The following THRAP3 variants were observed in gnomAD, a reference collection of about 807,000 sequenced individuals.
THRAP3 encodes thyroid hormone receptor associated protein 3.
A neutral mutation model predicts 101.0 loss-of-function variants in THRAP3; 16 were observed. The observed-to-expected ratio is 0.16, with a 90% confidence interval of 0.11 to 0.24. THRAP3 has a LOEUF of 0.24. THRAP3 is among the 10% of genes least tolerant of loss of function. The pLI is 1.00. For synonymous variants in THRAP3, 407 were observed against 422.6 expected, an observed-to-expected ratio of 0.96 and a Z score of 0.45; for missense variants, 989 against 1,202.7, an observed-to-expected ratio of 0.82 and a Z score of 2.63.
chr1:36,238,439 TC>T (rs1475597421), intron 1 of THRAP3, among the ~76,000 whole-genome samples: 1 of 152,204 alleles, frequency 6.6e-6, no homozygotes, highest in Non-Finnish European at 1.5e-5. Flanking sequence ...CAGATTTAAT[TC>T]CTATCCAGAT....
At chr1:36,209,001 C>T in the THRAP3 span, among the ~76,000 whole-genome samples, 1 of 104,752 alleles carries the variant, frequency 9.5e-6, no homozygotes, top group Admixed American at 1.5e-4. Context: ...TTTTCAGAGA[C>T]AGTCTTGCTC....
At position 36,303,844 on chromosome 1, in the gene THRAP3, C is replaced by G. The variant is rs201119618; in HGVS notation, c.2695C>G (p.Arg899Gly). 1 of 1,614,102 alleles carries G rather than the reference C, an allele frequency of 6.2e-7. No homozygotes were observed. The highest frequency in any genetic ancestry group is 2.2e-5 in the East Asian group (1 of 44,880). The stretch of plus-strand genomic sequence containing the variant: ...CAGTGACAAGTGGGTGAGCCGGGGC[C>G]GGGGCCGAGGAGCCTTTCCTCGGGG... ...EGSDKWVSRG[R>G]GRGAFPRGRG... Residue 899 changes from arginine (R) to glycine (G), a missense_variant, in exon 12 of 12, where the codon CGG (arginine) becomes GGG (glycine). Coordinates refer to ENST00000354618, the MANE Select transcript of THRAP3 (RefSeq NM_005119.4).
At chr1:36,299,290 T>C (rs1645999285) in intron 9 of THRAP3, among the ~76,000 whole-genome samples, 1 of 151,566 alleles carries the variant, frequency 6.6e-6, no homozygotes, top group African/African-American at 2.4e-5. Flanking sequence ...AATACAAAAA[T>C]TAGCCGGGCA....
At position 36,303,883 on chromosome 1, in the gene THRAP3, A is replaced by G. The variant is rs755358275; in HGVS notation, c.2734A>G (p.Met912Val). Residue 912 changes from methionine (M) to valine (V), a missense_variant, in exon 12 of 12, where the codon ATG becomes GTG. Met to Val is a conservative substitution (Grantham distance 21, BLOSUM62 1). Transcript: ENST00000354618. Reference sequence around the variant, plus strand: ...CTTTCCTCGGGGTCGGGGCCGGTTCATGTTCCGGAAATCAAGTACCAGCCC... The same window carrying G: ...CTTTCCTCGGGGTCGGGGCCGGTTCGTGTTCCGGAAATCAAGTACCAGCCC... Reference protein sequence around the residue: ...GAFPRGRGRFMFRKSSTSPKW... With the variant: ...GAFPRGRGRFVFRKSSTSPKW... The G allele has an allele frequency of 4.6e-5, 74 of 1,613,708 alleles. No homozygotes were observed. The highest frequency in any genetic ancestry group is 5.9e-5 in the Non-Finnish European group (70 of 1,179,916).
intron 1 of THRAP3, among the ~76,000 whole-genome samples, chr1:36,257,303 C>T (rs1361141981): frequency 1.3e-5 from 2 of 152,204 alleles, no homozygotes; most frequent in African/African-American, 4.8e-5. Context: ...CCCTCATCTG[C>T]TCACTAGAAT....
intron 1 of THRAP3, among the ~76,000 whole-genome samples, chr1:36,252,581 G>T (rs1048345612): frequency 6.6e-6 from 1 of 152,076 alleles, no homozygotes; most frequent in Non-Finnish European, 1.5e-5. Context: ...TGACAAGAGA[G>T]AAAACAACTT....
chr1:36,243,372 ACTTGAGATTAGGGAGTGGTGATGACT>A (rs1258846111), intron 1 of THRAP3, among the ~76,000 whole-genome samples: 2 of 151,656 alleles, frequency 1.3e-5, no homozygotes, highest in Non-Finnish European at 2.9e-5. Flanking sequence ...GTCCCTGGGT[ACTTGAGATTAGGGAGTGGTGATGACT>A]CTTAAGGAGC....
intron 4 of THRAP3, chr1:36,287,923 AG>A (rs1645816495): frequency 9.1e-6 from 9 of 985,364 alleles, no homozygotes; most frequent in Non-Finnish European, 1.1e-5. Context: ...TTGGGATGGC[AG>A]AGAGGTTACA....
chr1:36,289,065 T>C lies in THRAP3; in HGVS notation c.1046T>C (p.Leu349Pro), dbSNP rs374966612. The C allele has an allele frequency of 6.3e-6, 10 of 1,578,524 alleles. No homozygotes were observed. In the African/African-American group the frequency reaches 8.2e-5, roughly 13 times the overall value. Residue 349 changes from leucine to proline, a missense_variant, in exon 5 of 12, where the codon CTA becomes CCA. Coordinates refer to ENST00000354618, the MANE Select transcript of THRAP3 (RefSeq NM_005119.4). ...TCTTGTGTTTTTATAAATAGGTATC[T>C]AGAAGAGCAGAAGACAGAGAATGGA... ...SGGAAYTKRYLEEQKTENGKD... is the reference protein window; with the variant it reads ...SGGAAYTKRYPEEQKTENGKD...
chr1:36,236,869 T>C (rs777231103), intron 1 of THRAP3, among the ~76,000 whole-genome samples: 9 of 152,166 alleles, frequency 5.9e-5, no homozygotes, highest in Non-Finnish European at 1.3e-4. Context: ...TATATATAAC[T>C]TTGAGTTTCT....
At chr1:36,241,392 TATATATATATATATATATA>T (rs1403344599) in intron 1 of THRAP3, among the ~76,000 whole-genome samples, 2 of 2,842 alleles carry the variant, frequency 7.0e-4, no homozygotes, top group East Asian at 0.25. Context: ...GGTGTATATA[TATATATATATATATATATA>T]TATATATATA....
At chr1:36,243,928 C>A (rs112880541) in intron 1 of THRAP3, among the ~76,000 whole-genome samples, 5 of 121,582 alleles carry the variant, frequency 4.1e-5, no homozygotes, top group Admixed American at 1.6e-4. Context: ...GGGGGGCTGA[C>A]CCCCCCACCT....
intron 2 of THRAP3, among the ~76,000 whole-genome samples, chr1:36,268,723 ATTTTTT>A (rs200374533): frequency 7.0e-6 from 1 of 143,498 alleles, no homozygotes; most frequent in African/African-American, 2.6e-5. Context: ...ATATGAGTTA[ATTTTTT>A]TTTTTTTTTT....
At chr1:36,252,463 G>A (rs1036890604) in intron 1 of THRAP3, among the ~76,000 whole-genome samples, 8 of 152,160 alleles carry the variant, frequency 5.3e-5, no homozygotes, top group Admixed American at 1.3e-4. Flanking sequence ...AAATGCATTT[G>A]TTAGACAAAT....
At chr1:36,292,008 AAACTC>A (rs1171338906) in intron 6 of THRAP3, among the ~76,000 whole-genome samples, 1 of 152,082 alleles carries the variant, frequency 6.6e-6, no homozygotes, top group Non-Finnish European at 1.5e-5. Flanking sequence ...ATCTGAATAT[AAACTC>A]AAGCAAGAGT....
chr1:36,251,949 CTCTTATTATT>C (rs1307632623), intron 1 of THRAP3, among the ~76,000 whole-genome samples: 1 of 152,080 alleles, frequency 6.6e-6, no homozygotes, highest in Admixed American at 6.6e-5. Flanking sequence ...GCCAGATGTG[CTCTTATTATT>C]TATTGAGGAG....
At chr1:36,212,418 C>CTT in the THRAP3 span, among the ~76,000 whole-genome samples, 5,757 of 121,924 alleles carry the variant, frequency 0.047, 297 homozygotes, top group African/African-American at 0.11. Context: ...TTCTTTCTTT[C>CTT]TTTTTTTTTT....
At chr1:36,300,513 A>G (rs1233254051) in intron 9 of THRAP3, among the ~76,000 whole-genome samples, 1 of 152,188 alleles carries the variant, frequency 6.6e-6, no homozygotes, top group East Asian at 1.9e-4. Context: ...ATACAAAGCT[A>G]TTTATCTGGC....
At chr1:36,223,729 C>T (rs1463478360), upstream of THRAP3, among the ~76,000 whole-genome samples, 3 of 152,252 alleles carry the variant, frequency 2.0e-5, no homozygotes, top group East Asian at 5.8e-4. Flanking sequence ...CCCAGTAGCA[C>T]CCATTTTAAC....
Sources: allele counts gnomAD v4.1 joint callset (sites outside exome capture counted in the v4.1 genomes callset), GRCh38; gene constraint gnomAD v4.1.1; transcripts MANE v1.5; gene names NCBI Gene and HGNC (gene_info 2026-07-23, HGNC 2026-07-21).